CCSER1: variants seen among roughly 807,000 people sequenced by gnomAD.
The protein encoded by CCSER1 is coiled-coil serine rich protein 1, also known as serine-rich coiled-coil domain-containing protein 1.
CCSER1 carries 41 observed loss-of-function variants against 82.0 expected under a neutral mutation model. The observed-to-expected ratio is 0.50, with a 90% CI of 0.39 to 0.65. The LOEUF is 0.65. Among genes scored for constraint, CCSER1 ranks in the 30% least tolerant of loss-of-function variants. The pLI, the probability that CCSER1 is intolerant of heterozygous loss-of-function variation, is 0.00. For missense variants in CCSER1, 1,119 were observed against 1,064.2 expected (o/e 1.05, Z -0.72); for synonymous variants, 414 against 383.9 (o/e 1.08, Z -0.92).
At chr4:91,314,606 G>A (rs933089813) in intron 10 of CCSER1, among the ~76,000 whole-genome samples, 6 of 151,848 alleles carry the variant, frequency 4.0e-5, no homozygotes, top group South Asian at 4.1e-4. Context: ...TGTTGCAGCC[G>A]TGCTGAAATT....
intron 3 of CCSER1, among the ~76,000 whole-genome samples, chr4:90,378,939 G>A (rs1748785283): frequency 2.0e-5 from 3 of 152,056 alleles, no homozygotes; most frequent in South Asian, 2.1e-4. Flanking sequence ...GTTCATGGAT[G>A]TGAACAGGAA....
chr4:90,734,927 C>T (rs1745406493), intron 7 of CCSER1, among the ~76,000 whole-genome samples: 1 of 152,104 alleles, frequency 6.6e-6, no homozygotes, highest in East Asian at 1.9e-4. Context: ...TTCAGATTTT[C>T]CCCATTTAGC....
intron 9 of CCSER1, among the ~76,000 whole-genome samples, chr4:91,024,495 A>G (rs979182518): frequency 1.3e-5 from 2 of 152,116 alleles, no homozygotes; most frequent in Non-Finnish European, 2.9e-5. Context: ...TGAGAAATTA[A>G]AGGAGATTTT....
At chr4:90,561,245 A>C (rs1476174626) in intron 5 of CCSER1, among the ~76,000 whole-genome samples, 2 of 152,154 alleles carry the variant, frequency 1.3e-5, no homozygotes, top group Admixed American at 6.5e-5. Flanking sequence ...TATTCCACAC[A>C]ACTCTGTGGC....
chr4:91,590,837 C>T (rs1033485735), intron 10 of CCSER1, among the ~76,000 whole-genome samples: 13 of 151,982 alleles, frequency 8.6e-5, no homozygotes, highest in African/African-American at 2.4e-4. Flanking sequence ...TGTTTGCAAA[C>T]TAAGTAACAT....
Position 90,162,855 on chromosome 4 carries a change from A to C in CCSER1, c.-42+35024A>C, listed in dbSNP as rs184684284. On this transcript the variant is annotated intron_variant, in intron 1 of 10. Coordinates refer to ENST00000509176, the MANE Select transcript of CCSER1 (RefSeq NM_001145065.2). ...CTTGAATATAAACATGGTGGATTAG[A>C]GTCTGTTAGAAACAGTGACTTAGAT... is the stretch of plus-strand genomic sequence containing the variant. 3.3e-5 allele frequency among the ~76,000 whole-genome samples: 5 copies of C among 152,280 alleles called. No individual in the cohort carries two copies. In the East Asian group the frequency reaches 9.7e-4, roughly 29 times the overall value.
intron 1 of CCSER1, among the ~76,000 whole-genome samples, chr4:90,213,954 A>G (rs963975423): frequency 1.3e-5 from 2 of 152,216 alleles, no homozygotes; most frequent in East Asian, 3.8e-4. Flanking sequence ...AGAGAATAGA[A>G]TAAGTCAATA....
chr4:91,194,623 C>G (rs1243847026), intron 10 of CCSER1, among the ~76,000 whole-genome samples: 1 of 152,014 alleles, frequency 6.6e-6, no homozygotes, highest in Non-Finnish European at 1.5e-5. Context: ...TAAATTTCAC[C>G]AACATTCCAA....
At chr4:90,725,384 C>G (rs1341717874) in intron 7 of CCSER1, among the ~76,000 whole-genome samples, 1 of 151,392 alleles carries the variant, frequency 6.6e-6, no homozygotes, top group East Asian at 1.9e-4. Flanking sequence ...CTAACTGGTT[C>G]TGAGAGATCA....
chr4:91,263,896 A>G (rs1368532670), intron 10 of CCSER1, among the ~76,000 whole-genome samples: 1 of 151,988 alleles, frequency 6.6e-6, no homozygotes, highest in East Asian at 1.9e-4. Context: ...TGTAACCAAT[A>G]TTTAAAAATC....
chr4:91,215,429 A>G (rs1357529265), intron 10 of CCSER1, among the ~76,000 whole-genome samples: 1 of 152,204 alleles, frequency 6.6e-6, no homozygotes, highest in South Asian at 2.1e-4. Context: ...ATTGACTCAC[A>G]TGATCACAAG....
At chr4:90,686,167 A>G (rs1290891898) in intron 6 of CCSER1, among the ~76,000 whole-genome samples, 1 of 152,028 alleles carries the variant, frequency 6.6e-6, no homozygotes, top group South Asian at 2.1e-4. Flanking sequence ...CCAGCAAGTT[A>G]TTTATTCTGG....
chr4:91,013,760 G>C (rs544278962), intron 9 of CCSER1, among the ~76,000 whole-genome samples: 1 of 105,034 alleles, frequency 9.5e-6, no homozygotes, highest in African/African-American at 2.9e-5. Flanking sequence ...CTGTCACCAC[G>C]CCCAGCTATT....
chr4:90,725,193 T>G (rs1179310342), intron 7 of CCSER1, among the ~76,000 whole-genome samples: 1 of 151,776 alleles, frequency 6.6e-6, no homozygotes, highest in East Asian at 1.9e-4. Flanking sequence ...TGAAGAAGCA[T>G]ATCTTTAACA....
intron 4 of CCSER1, among the ~76,000 whole-genome samples, chr4:90,448,428 T>C (rs1446582826): frequency 7.7e-6 from 1 of 130,244 alleles, no homozygotes; most frequent in Non-Finnish European, 1.6e-5. Flanking sequence ...TGCTTTTTTT[T>C]TCTCTAGGTG....
Position 91,156,525 on chromosome 4 carries a change from A to C in CCSER1, c.2217+70531A>C, listed in dbSNP as rs578049087. ...TTAGGGTCATCAAAAGAATTAAATT[A>C]TTAGAATTAAATTATTAAATTAAAA... On this transcript the variant is annotated intron_variant, in intron 10 of 10. Transcript: ENST00000509176. Among the ~76,000 whole-genome samples the C allele has an allele frequency of 4.0e-5, 6 of 151,630 alleles. No individual in the cohort carries two copies. The East Asian group carries it at 1.2e-3, about 29-fold the overall frequency.
chr4:91,140,310 A>G (rs1018694796), intron 10 of CCSER1, among the ~76,000 whole-genome samples: 3 of 151,894 alleles, frequency 2.0e-5, no homozygotes, highest in Non-Finnish European at 2.9e-5. Flanking sequence ...TGCATAAATT[A>G]TACTAAAATA....
At chr4:90,534,431 T>G (rs1775026257) in intron 5 of CCSER1, among the ~76,000 whole-genome samples, 1 of 149,266 alleles carries the variant, frequency 6.7e-6, no homozygotes, top group Admixed American at 6.7e-5. Flanking sequence ...GCCCAGGCTG[T>G]GCCAGCCTTT....
At chr4:90,575,613 C>T (rs1476202454) in intron 5 of CCSER1, among the ~76,000 whole-genome samples, 3 of 152,082 alleles carry the variant, frequency 2.0e-5, no homozygotes, top group South Asian at 2.1e-4. Flanking sequence ...TTAAATGTAC[C>T]GTCAATGTTA....
Sources: allele counts gnomAD v4.1 joint callset (sites outside exome capture counted in the v4.1 genomes callset), GRCh38; gene constraint gnomAD v4.1.1; transcripts MANE v1.5; gene names NCBI Gene and HGNC (gene_info 2026-07-23, HGNC 2026-07-21).